Variants in LRRC4C observed in about 807,000 individuals in gnomAD.
The protein encoded by LRRC4C is leucine-rich repeat-containing protein 4C.
Under a neutral mutation model 33.6 loss-of-function variants are expected in LRRC4C, and 5 were observed. That is an observed-to-expected ratio of 0.15 (90% confidence interval 0.08 to 0.31). The LOEUF (loss-of-function observed/expected upper bound fraction) is 0.31, where lower values mean the gene tolerates loss of function less well. LRRC4C is among the 10% of genes least tolerant of loss of function. The pLI is 1.00. For synonymous variants in LRRC4C, 329 were observed against 302.0 expected (o/e 1.09, Z -0.93); for missense variants, 560 against 796.7 (o/e 0.70, Z 3.58).
intron 3 of LRRC4C, among the ~76,000 whole-genome samples, chr11:40,542,348 G>C (rs927947008): frequency 3.3e-5 from 5 of 152,074 alleles, no homozygotes; most frequent in Admixed American, 2.6e-4. Flanking sequence ...TAATCTTAAA[G>C]ATAGTGTTTT....
chr11:40,134,311 C>T (rs1386246169), intron 6 of LRRC4C, among the ~76,000 whole-genome samples: 1 of 152,100 alleles, frequency 6.6e-6, no homozygotes, highest in African/African-American at 2.4e-5. Context: ...TGAAAGTAAA[C>T]ATGACATAGG....
At chr11:40,159,042 G>C (rs1858940716) in intron 5 of LRRC4C, among the ~76,000 whole-genome samples, 1 of 152,156 alleles carries the variant, frequency 6.6e-6, no homozygotes, top group Admixed American at 6.5e-5. Context: ...GTTGGGGATG[G>C]ATTGTAATTA....
At chr11:40,680,163 T>A (rs1306805513) in intron 2 of LRRC4C, among the ~76,000 whole-genome samples, 1 of 152,214 alleles carries the variant, frequency 6.6e-6, no homozygotes, top group Non-Finnish European at 1.5e-5. Context: ...GCCTTTAGCC[T>A]TTAAGCTTCG....
chr11:40,347,450 G>T (rs566114891), intron 3 of LRRC4C, among the ~76,000 whole-genome samples: 7 of 152,004 alleles, frequency 4.6e-5, no homozygotes, highest in South Asian at 2.1e-4. Context: ...TCATGTGTTC[G>T]CTGAAGTCTC....
intron 3 of LRRC4C, among the ~76,000 whole-genome samples, chr11:40,414,736 A>G (rs1198983545): frequency 6.6e-6 from 1 of 152,106 alleles, no homozygotes; most frequent in Non-Finnish European, 1.5e-5. Flanking sequence ...TAATAAAATG[A>G]AAAGCTTCTT....
rs56684958 is a variant in LRRC4C at position 40,952,849 on chromosome 11, AACACACACACACACAC to A, written c.-495-19142_-495-19127del. Among the ~76,000 whole-genome samples, 392 of 112,778 alleles carry A rather than the reference AACACACACACACACAC, an allele frequency of 3.5e-3. 2 individuals are homozygous for A. The highest frequency in any genetic ancestry group is 4.5e-3 in the Non-Finnish European group (255 of 56,462). The allele number at this position is 112,778 out of a possible 152,430, so 74.0% of individuals were successfully genotyped here. On this transcript the variant is annotated intron_variant, in intron 1 of 6. Transcript: ENST00000528697. The stretch of plus-strand genomic sequence containing the variant: ...TCACACACACCTCTGTCTATTTCCA[AACACACACACACACAC>A]ACACACACACACACACACACACACA...
chr11:40,794,241 A>G (rs1430522079), intron 2 of LRRC4C, among the ~76,000 whole-genome samples: 1 of 152,114 alleles, frequency 6.6e-6, no homozygotes, highest in African/African-American at 2.4e-5. Flanking sequence ...AGGACAAGCA[A>G]TACATTCTGA....
At chr11:41,082,503 C>T (rs1386055380) in intron 1 of LRRC4C, among the ~76,000 whole-genome samples, 1 of 148,746 alleles carries the variant, frequency 6.7e-6, no homozygotes, top group East Asian at 2.0e-4. Context: ...TGACTTTGTG[C>T]CAAGCACTGA....
At chr11:40,479,870 C>G (rs1041858949) in intron 3 of LRRC4C, among the ~76,000 whole-genome samples, 2 of 152,046 alleles carry the variant, frequency 1.3e-5, no homozygotes, top group African/African-American at 4.8e-5. Flanking sequence ...AGATGTCTTC[C>G]TAATTGTAAC....
intron 2 of LRRC4C, among the ~76,000 whole-genome samples, chr11:40,903,009 T>C (rs1052015418): frequency 3.3e-5 from 5 of 152,192 alleles, no homozygotes; most frequent in African/African-American, 9.6e-5. Flanking sequence ...TCAATGTAGA[T>C]GAAACAGCTT....
chr11:40,631,300 G>T (rs1458009374), intron 3 of LRRC4C, among the ~76,000 whole-genome samples: 1 of 152,152 alleles, frequency 6.6e-6, no homozygotes, highest in Non-Finnish European at 1.5e-5. Flanking sequence ...AATCACACTG[G>T]AGATGTGTCT....
At chr11:41,011,848 T>TATATTATATTA (rs1280598237) in intron 1 of LRRC4C, among the ~76,000 whole-genome samples, 45 of 148,294 alleles carry the variant, frequency 3.0e-4, no homozygotes, top group African/African-American at 1.1e-3. Context: ...TATATTATAT[T>TATATTATATTA]ATGTTACATG....
intron 1 of LRRC4C, among the ~76,000 whole-genome samples, chr11:41,017,427 A>G (rs1047990660): frequency 6.6e-6 from 1 of 152,184 alleles, no homozygotes; most frequent in African/African-American, 2.4e-5. Context: ...CAATGCTGAG[A>G]AACTTCACAC....
chr11:40,951,725 TGAATTAA>T (rs1259033955), intron 1 of LRRC4C, among the ~76,000 whole-genome samples: 1 of 152,052 alleles, frequency 6.6e-6, no homozygotes, highest in African/African-American at 2.4e-5. Context: ...AAGAAGATGC[TGAATTAA>T]GAATTTTGAA....
intron 2 of LRRC4C, among the ~76,000 whole-genome samples, chr11:40,678,461 C>G (rs544584725): frequency 6.6e-6 from 1 of 152,038 alleles, no homozygotes; most frequent in Non-Finnish European, 1.5e-5. Context: ...TTTAGGATTA[C>G]GTATTCTATA....
intron 5 of LRRC4C, among the ~76,000 whole-genome samples, chr11:40,153,764 A>G (rs1401702088): frequency 6.6e-6 from 1 of 152,168 alleles, no homozygotes. Context: ...ATAAGAAAAT[A>G]TGAATAAAAC....
At chr11:40,640,846 CT>C (rs1301522176) in intron 3 of LRRC4C, among the ~76,000 whole-genome samples, 1 of 151,816 alleles carries the variant, frequency 6.6e-6, no homozygotes, top group African/African-American at 2.4e-5. Context: ...GAAAACCCCT[CT>C]CTACTAAAAA....
intron 1 of LRRC4C, among the ~76,000 whole-genome samples, chr11:41,091,455 C>G (rs1940411538): frequency 1.3e-5 from 2 of 151,866 alleles, no homozygotes; most frequent in Admixed American, 6.6e-5. Flanking sequence ...GTAGACAAAA[C>G]TCGAAATCAG....
chr11:40,427,855 A>C (rs1351615591), intron 3 of LRRC4C, among the ~76,000 whole-genome samples: 1 of 152,068 alleles, frequency 6.6e-6, no homozygotes, highest in African/African-American at 2.4e-5. Context: ...AACCCAAAAA[A>C]CAAAACAAAA....
Sources: gnomAD v4.1 joint callset for allele counts (sites outside exome capture counted in the v4.1 genomes callset) on GRCh38, gnomAD v4.1.1 for gene constraint, MANE v1.5 for transcripts, NCBI Gene and HGNC (gene_info 2026-07-23, HGNC 2026-07-21) for gene names.